CNBD1: variants seen among roughly 807,000 people sequenced by gnomAD.
CNBD1 encodes cyclic nucleotide-binding domain-containing protein 1.
Under a neutral mutation model 54.4 loss-of-function variants are expected in CNBD1, and 71 were observed. The observed-to-expected ratio is 1.30, with a 90% CI of 1.08 to 1.59. The LOEUF is 1.59. CNBD1 is among the 40% of genes most tolerant of loss of function. The pLI is 0.00. For missense variants in CNBD1, 659 were observed against 518.0 expected (o/e 1.27, Z -2.64); for synonymous variants, 182 against 170.7 (o/e 1.07, Z -0.51).
In CNBD1 at chr8:87,099,468, G is replaced by A. The variant is rs139951855; in HGVS notation, c.432-106525G>A. 2.6e-4 allele frequency among the ~76,000 whole-genome samples: 40 copies of A among 152,246 alleles called. No individual in the cohort carries two copies. In the East Asian group the frequency reaches 6.4e-3, roughly 24 times the overall value. On this transcript the variant is annotated intron_variant, in intron 4 of 10. Transcript: ENST00000518476. The stretch of plus-strand genomic sequence containing the variant: ...TAGTAGGGTGGCAATGGTAGATGTC[G>A]AAAATCAATTAGAGGGCCGTCGTCA...
intron 4 of CNBD1, among the ~76,000 whole-genome samples, chr8:87,184,056 GC>G (rs951797434): frequency 1.3e-5 from 2 of 152,182 alleles, no homozygotes; most frequent in East Asian, 3.9e-4. Flanking sequence ...GGTGGCGGGG[GC>G]CACAGATGAT....
intron 5 of CNBD1, among the ~76,000 whole-genome samples, chr8:87,209,758 C>G (rs1395272899): frequency 1.3e-5 from 2 of 152,132 alleles, no homozygotes; most frequent in Non-Finnish European, 2.9e-5. Context: ...GCATCACACT[C>G]TCTGATTTCA....
intron 4 of CNBD1, among the ~76,000 whole-genome samples, chr8:87,113,841 C>T (rs1811715953): frequency 6.6e-6 from 1 of 151,692 alleles, no homozygotes; most frequent in Admixed American, 6.6e-5. Flanking sequence ...ATGGCGTGAA[C>T]CTGGGAGGTG....
chr8:87,046,473 G>C (rs906931046), intron 4 of CNBD1, among the ~76,000 whole-genome samples: 7 of 152,134 alleles, frequency 4.6e-5, no homozygotes, highest in Non-Finnish European at 1.0e-4. Context: ...TGTCAGTGGA[G>C]TTTAAAAATA....
At position 87,270,004 on chromosome 8, in the gene CNBD1, C is replaced by A. The variant is rs114461431; in HGVS notation, c.772-14674C>A. 8.5e-3 allele frequency among the ~76,000 whole-genome samples: 1,285 copies of A among 151,958 alleles called. 19 individuals carry two copies. Among genetic ancestry groups the A allele is most frequent in the African/African-American group, 0.029 (1,221 of 41,492 alleles). The stretch of plus-strand genomic sequence containing the variant: ...TTCTGATGAAATAGATACAAAGATC[C>A]TCAACAAAAATACTAGCAAATTGAA... On this transcript the variant is annotated intron_variant, in intron 6 of 10. Coordinates refer to ENST00000518476, the MANE Select transcript of CNBD1 (RefSeq NM_173538.3).
intron 8 of CNBD1, among the ~76,000 whole-genome samples, chr8:87,305,114 G>A (rs1809113785): frequency 6.6e-6 from 1 of 151,998 alleles, no homozygotes; most frequent in Admixed American, 6.6e-5. Flanking sequence ...CACCAACAAT[G>A]ACTAAGTGAA....
At position 87,048,255 on chromosome 8, in the gene CNBD1, G is replaced by A. The variant is rs1810242079; in HGVS notation, c.431+108501G>A. ...ATGGTTGTTTTCATTCCTATTGGAA[G>A]TGGGCAAGGAGGTTATATATTTAGC... On this transcript the variant is annotated intron_variant, in intron 4 of 10. Coordinates refer to ENST00000518476, the MANE Select transcript of CNBD1 (RefSeq NM_173538.3). Among the ~76,000 whole-genome samples the A allele has an allele frequency of 3.3e-5, 5 of 151,638 alleles. No homozygotes were observed. The South Asian group carries it at 1.0e-3, about 31-fold the overall frequency.
chr8:86,894,956 A>G (rs1450260778), intron 2 of CNBD1, among the ~76,000 whole-genome samples: 6 of 152,202 alleles, frequency 3.9e-5, no homozygotes, highest in Non-Finnish European at 4.4e-5. Flanking sequence ...ATCTAATGGT[A>G]TAAGAGTGGA....
At chr8:87,256,000 TATATATATATATATA>T (rs1406931917) in intron 6 of CNBD1, among the ~76,000 whole-genome samples, 10 of 16,700 alleles carry the variant, frequency 6.0e-4, no homozygotes, top group African/African-American at 2.6e-3. Flanking sequence ...TATATATATA[TATATATATATATATA>T]TTTTTTTTTT....
chr8:86,934,132 A>G (rs994291594), intron 3 of CNBD1, among the ~76,000 whole-genome samples: 4 of 152,132 alleles, frequency 2.6e-5, no homozygotes, highest in Non-Finnish European at 5.9e-5. Flanking sequence ...CTCAGCTTAA[A>G]TCCTTCTGTC....
intron 4 of CNBD1, among the ~76,000 whole-genome samples, chr8:87,177,029 C>T (rs1297809621): frequency 3.3e-5 from 5 of 152,088 alleles, no homozygotes; most frequent in Non-Finnish European, 7.4e-5. Flanking sequence ...ATCTGAGGCT[C>T]ATGTTCTTTA....
chr8:87,027,935 G>T (rs1200005669), intron 4 of CNBD1, among the ~76,000 whole-genome samples: 1 of 152,018 alleles, frequency 6.6e-6, no homozygotes, highest in Non-Finnish European at 1.5e-5. Flanking sequence ...CTCTCAGTTG[G>T]GCCTGATCAG....
intron 2 of CNBD1, among the ~76,000 whole-genome samples, chr8:87,421,969 A>T (rs1391889952): frequency 1.3e-5 from 2 of 149,858 alleles, no homozygotes; most frequent in East Asian, 3.9e-4. Flanking sequence ...TCGCCATTCT[A>T]ACTGGTATGA....
intron 4 of CNBD1, among the ~76,000 whole-genome samples, chr8:86,981,086 A>C (rs1220144636): frequency 6.6e-6 from 1 of 152,220 alleles, no homozygotes; most frequent in Non-Finnish European, 1.5e-5. Flanking sequence ...AAACATCAAC[A>C]TTCTATTTAA....
At chr8:87,068,743 A>T (rs1434925811) in intron 4 of CNBD1, among the ~76,000 whole-genome samples, 1 of 152,022 alleles carries the variant, frequency 6.6e-6, no homozygotes, top group Non-Finnish European at 1.5e-5. Context: ...TACAGATAGA[A>T]TTGCTATTTT....
intron 6 of CNBD1, among the ~76,000 whole-genome samples, chr8:87,263,325 C>T (rs896977121): frequency 6.6e-6 from 1 of 151,816 alleles, no homozygotes; most frequent in African/African-American, 2.4e-5. Context: ...AGCTTTTTTT[C>T]AGATAATTTT....
At chr8:87,094,014 C>T (rs910897274) in intron 4 of CNBD1, among the ~76,000 whole-genome samples, 1 of 152,092 alleles carries the variant, frequency 6.6e-6, no homozygotes, top group Non-Finnish European at 1.5e-5. Flanking sequence ...CACACTTAAC[C>T]TGCACTGTTG....
intron 2 of CNBD1, among the ~76,000 whole-genome samples, chr8:87,419,406 C>T (rs1807888644): frequency 6.6e-6 from 1 of 151,762 alleles, no homozygotes; most frequent in Non-Finnish European, 1.5e-5. Flanking sequence ...ACACTGAAAA[C>T]CACTAAACTG....
At chr8:87,365,623 C>T (rs1392902429) in intron 10 of CNBD1, among the ~76,000 whole-genome samples, 2 of 151,942 alleles carry the variant, frequency 1.3e-5, no homozygotes, top group South Asian at 2.1e-4. Context: ...ACAATAAGGT[C>T]CACTTGTAAG....
Sources: gnomAD v4.1 joint callset for allele counts (sites outside exome capture counted in the v4.1 genomes callset) on GRCh38, gnomAD v4.1.1 for gene constraint, MANE v1.5 for transcripts, NCBI Gene and HGNC (gene_info 2026-07-23, HGNC 2026-07-21) for gene names.